The following NOL10 variants were observed in gnomAD, a reference collection of about 807,000 sequenced individuals.
NOL10 encodes H_NH0074G24.1.
A neutral mutation model predicts 103.5 loss-of-function variants in NOL10; 58 were observed. The observed-to-expected ratio is 0.56, with a 90% CI of 0.45 to 0.70. The LOEUF is 0.70. Ranked by LOEUF, NOL10 falls within the 30% of genes least tolerant of loss-of-function variation. The probability of loss-of-function intolerance (pLI) is 0.00; values close to 1 mark genes in which losing one functional copy is unlikely to be tolerated. For synonymous variants in NOL10, 287 were observed against 282.5 expected, an observed-to-expected ratio of 1.02 and a Z score of -0.16; for missense variants, 763 against 807.3, an observed-to-expected ratio of 0.95 and a Z score of 0.67.
intron 13 of NOL10, among the ~76,000 whole-genome samples, chr2:10,637,479 T>C (rs1337021886): frequency 6.6e-6 from 1 of 152,180 alleles, no homozygotes. Context: ...CACAGATGTC[T>C]GCCCTAGCCC....
At position 10,583,727 on chromosome 2, in the gene NOL10, T is replaced by C. The variant is rs569208856; in HGVS notation, c.1844+5316A>G. Among the ~76,000 whole-genome samples the C allele has an allele frequency of 5.1e-4, 77 of 152,340 alleles. 1 individual carries two copies. The highest frequency in any genetic ancestry group is 1.8e-3 in the African/African-American group (74 of 41,576). ...CTTAGTCTTCTGGTCTGTCTGCTCC[T>C]CTCCACCCCATCGTTCAGGCCTGTG... On this transcript the variant is annotated intron_variant, in intron 19 of 20. Transcript: ENST00000381685.
At chr2:10,593,129 G>GTTTTT (rs113342576) in intron 17 of NOL10, among the ~76,000 whole-genome samples, 6 of 148,698 alleles carry the variant, frequency 4.0e-5, no homozygotes, top group African/African-American at 7.4e-5. Flanking sequence ...AAACAAATTA[G>GTTTTT]TTTTTTTTTT....
intron 17 of NOL10, among the ~76,000 whole-genome samples, chr2:10,596,182 G>A (rs1480593818): frequency 7.6e-6 from 1 of 132,194 alleles, no homozygotes; most frequent in Non-Finnish European, 1.5e-5. Flanking sequence ...AATACACATA[G>A]CCTAGAACAG....
At chr2:10,586,561 C>G (rs1675030390) in intron 19 of NOL10, among the ~76,000 whole-genome samples, 1 of 151,926 alleles carries the variant, frequency 6.6e-6, no homozygotes, top group Non-Finnish European at 1.5e-5. Context: ...GCTCCACTTA[C>G]ACGCAGTTTT....
At chr2:10,614,446 ACTTT>A (rs1676732370) in intron 13 of NOL10, among the ~76,000 whole-genome samples, 3 of 152,170 alleles carry the variant, frequency 2.0e-5, no homozygotes, top group Non-Finnish European at 4.4e-5. Flanking sequence ...GAAACAAATA[ACTTT>A]TTGCATTTTA....
chr2:10,655,990 G>A (rs1235566814), intron 11 of NOL10, among the ~76,000 whole-genome samples: 1 of 152,146 alleles, frequency 6.6e-6, no homozygotes, highest in Non-Finnish European at 1.5e-5. Flanking sequence ...AAAGGGAAAG[G>A]AATTATAATG....
At chr2:10,584,268 G>A (rs1674910789) in intron 19 of NOL10, among the ~76,000 whole-genome samples, 1 of 152,162 alleles carries the variant, frequency 6.6e-6, no homozygotes, top group South Asian at 2.1e-4. Flanking sequence ...CCCATCCCCT[G>A]GGTCTAGAAT....
chr2:10,674,623 AG>A (rs1297457928), intron 4 of NOL10, among the ~76,000 whole-genome samples: 1 of 151,944 alleles, frequency 6.6e-6, no homozygotes, highest in African/African-American at 2.4e-5. Flanking sequence ...GTGGATCACG[AG>A]GTCAGGAGTT....
At chr2:10,578,909 T>C (rs1394073012) in intron 19 of NOL10, among the ~76,000 whole-genome samples, 2 of 152,198 alleles carry the variant, frequency 1.3e-5, no homozygotes. Context: ...CTGTCTCCTG[T>C]CCTCCCTGCC....
intron 12 of NOL10, among the ~76,000 whole-genome samples, chr2:10,648,486 T>C (rs905501814): frequency 1.3e-5 from 2 of 152,204 alleles, no homozygotes; most frequent in East Asian, 1.9e-4. Context: ...TTTTCTACTC[T>C]TGATTAACCT....
At chr2:10,645,853 G>A (rs148625011) in intron 12 of NOL10, among the ~76,000 whole-genome samples, 4 of 151,692 alleles carry the variant, frequency 2.6e-5, no homozygotes, top group African/African-American at 9.7e-5. Flanking sequence ...CCAAAACCAC[G>A]TCTTGCCAAT....
chr2:10,591,204 GA>G (rs1331049813), intron 17 of NOL10, among the ~76,000 whole-genome samples: 1 of 152,204 alleles, frequency 6.6e-6, no homozygotes, highest in East Asian at 1.9e-4. Flanking sequence ...GACTTACAAC[GA>G]AGGGAAAAAG....
chr2:10,663,106 C>G, intron 8 of NOL10, 62 bp from the exon 9 acceptor site: 2 of 1,381,778 alleles, frequency 1.4e-6, no homozygotes, highest in Admixed American at 3.6e-5. Context: ...GTGGCTCATG[C>G]CTGTAATCCC....
chr2:10,638,369 T>C (rs1414741650), intron 13 of NOL10, among the ~76,000 whole-genome samples: 2 of 143,824 alleles, frequency 1.4e-5, no homozygotes, highest in African/African-American at 2.7e-5. Context: ...TAACAGTACC[T>C]AACTGCCATT....
chr2:10,601,299 G>A (rs1280303380), intron 16 of NOL10, among the ~76,000 whole-genome samples: 5 of 152,146 alleles, frequency 3.3e-5, no homozygotes, highest in Non-Finnish European at 7.4e-5. Flanking sequence ...TCCTGACCTC[G>A]TGATCCGCCT....
In NOL10 at chr2:10,654,515, A is replaced by C. The variant is rs769432981; in HGVS notation, c.939T>G (p.His313Gln). 1.2e-6 allele frequency: 2 copies of C among 1,602,334 alleles called. No homozygotes were observed. The highest frequency in any genetic ancestry group is 1.7e-6 in the Non-Finnish European group (2 of 1,177,178). Residue 313 changes from histidine (H) to glutamine (Q), a missense_variant, in exon 12 of 21, where the codon CAT (histidine) becomes CAG (glutamine). His to Gln is a conservative substitution (Grantham distance 24). Transcript: ENST00000381685. The part of the protein sequence containing the change: ...GKIFTSLEPE[H>Q]DLNDVCLYPN... ...GGTAGAGACAAACATCATTAAGGTC[A>C]TGCTCTGGCTCCAAGGAAGTAAATA... is the stretch of plus-strand genomic sequence containing the variant.
chr2:10,591,225 A>T (rs1675372193), intron 17 of NOL10, among the ~76,000 whole-genome samples: 1 of 152,218 alleles, frequency 6.6e-6, no homozygotes, highest in Non-Finnish European at 1.5e-5. Context: ...GAAAGGTAAG[A>T]TCGAGTTCCT....
At chr2:10,572,270 A>G (rs1674218747) in intron 20 of NOL10, 80 bp from the exon 21 acceptor site, 2 of 1,468,552 alleles carry the variant, frequency 1.4e-6, no homozygotes, top group African/African-American at 2.8e-5. Flanking sequence ...GGCTGCCAAC[A>G]GTACCACCAC....
chr2:10,604,938 A>T (rs1358397694), intron 14 of NOL10: 1 of 152,236 alleles, frequency 6.6e-6, no homozygotes, highest in Non-Finnish European at 1.5e-5. Context: ...TGCGAGGTAA[A>T]GAAATTGATT....
Sources: gnomAD v4.1 joint callset for allele counts (sites outside exome capture counted in the v4.1 genomes callset) on GRCh38, gnomAD v4.1.1 for gene constraint, MANE v1.5 for transcripts, NCBI Gene and HGNC (gene_info 2026-07-23, HGNC 2026-07-21) for gene names.